EDA: variants seen among roughly 807,000 people sequenced by gnomAD.
The protein encoded by EDA is ectodysplasin-A.
A neutral mutation model predicts 23.6 loss-of-function variants in EDA; 2 were observed. The ratio of observed to expected loss-of-function variants is 0.08; its 90% CI spans 0.03 to 0.27. The LOEUF is 0.27. Ranked by LOEUF, EDA falls within the 10% of genes least tolerant of loss-of-function variation. EDA has a pLI of 1.00. For synonymous variants in EDA, 131 were observed against 132.0 expected, an observed-to-expected ratio of 0.99 and a Z score of 0.05; for missense variants, 229 against 324.2, an observed-to-expected ratio of 0.71 and a Z score of 2.26.
chrX:69,982,015 G>A (rs759915195), intron 2 of EDA, among the ~76,000 whole-genome samples: 5 of 111,250 alleles, frequency 4.5e-5, no homozygotes, highest in Non-Finnish European at 9.4e-5. Context: ...AGGGGAAGGG[G>A]GCGTTTAAGG....
chrX:69,772,283 G>T (rs1302403265), intron 1 of EDA, among the ~76,000 whole-genome samples: 1 of 111,363 alleles, frequency 9.0e-6, no homozygotes, highest in Non-Finnish European at 1.9e-5. Context: ...TTATGTGTCA[G>T]TTAATATTAT....
chrX:69,620,127 T>C (rs1218266144), intron 1 of EDA, among the ~76,000 whole-genome samples: 1 of 112,239 alleles, frequency 8.9e-6, no homozygotes, highest in African/African-American at 3.2e-5. Flanking sequence ...ATGATTAATA[T>C]ATTGGTGTAA....
chrX:69,747,223 A>G (rs1484719239), intron 1 of EDA, among the ~76,000 whole-genome samples: 1 of 112,433 alleles, frequency 8.9e-6, no homozygotes, highest in African/African-American at 3.2e-5. Context: ...TAGGATGGTT[A>G]GAACTCTTCT....
intron 1 of EDA, among the ~76,000 whole-genome samples, chrX:69,815,348 G>A (rs756061515): frequency 1.6e-4 from 17 of 107,336 alleles, no homozygotes; most frequent in Non-Finnish European, 3.1e-4. Flanking sequence ...CGCTGGGTGG[G>A]ACATCCCTGC....
At position 70,028,045 on chromosome X, in the gene EDA, C is replaced by A; in HGVS notation, c.706+9C>A. 1 of 1,119,092 alleles carries A rather than the reference C, an allele frequency of 8.9e-7. No homozygotes were observed. Among genetic ancestry groups the A allele is most frequent in the Non-Finnish European group, 1.2e-6 (1 of 834,308 alleles). The allele number at this position is 1,119,092 out of a possible 1,213,427, so 92.2% of individuals were successfully genotyped here. On this transcript the variant is annotated intron_variant, in intron 4 of 7. Transcript: ENST00000374552. ...CCTCCAGGGACCTTCTGGTGAGTTC[C>A]CCTGTCTCTCCACCCCACCAGGTGC...
chrX:69,993,952 T>G (rs140153367), intron 2 of EDA, among the ~76,000 whole-genome samples: 101 of 112,279 alleles, frequency 9.0e-4, no homozygotes, highest in African/African-American at 3.1e-3. Context: ...AATCACTTAT[T>G]CTTGTTAACA....
At chrX:69,798,167 C>T (rs773107818) in intron 1 of EDA, among the ~76,000 whole-genome samples, 70 of 110,916 alleles carry the variant, frequency 6.3e-4, no homozygotes, top group Non-Finnish European at 1.2e-3. Flanking sequence ...ATTCAAAGAG[C>T]AAATATTACT....
At chrX:69,856,256 T>TGGGG (rs1229571868) in intron 1 of EDA, among the ~76,000 whole-genome samples, 6 of 78,628 alleles carry the variant, frequency 7.6e-5, no homozygotes, top group Admixed American at 1.4e-4. Context: ...TATTCCATGG[T>TGGGG]GTGTGTGTGT....
At chrX:69,879,925 CTTGG>C (rs1388645943) in intron 1 of EDA, among the ~76,000 whole-genome samples, 2 of 112,288 alleles carry the variant, frequency 1.8e-5, no homozygotes, top group Admixed American at 1.9e-4. Flanking sequence ...TTCTTACTTT[CTTGG>C]CAAGCAAATT....
At chrX:69,625,477 C>T (rs1932348869) in intron 1 of EDA, among the ~76,000 whole-genome samples, 1 of 110,560 alleles carries the variant, frequency 9.0e-6, no homozygotes, top group African/African-American at 3.3e-5. Flanking sequence ...TGAGGACAGG[C>T]ATATATATCA....
chrX:69,626,110 G>T lies in EDA; in HGVS notation c.396+9406G>T, dbSNP rs752864334. 8.1e-5 allele frequency among the ~76,000 whole-genome samples: 9 copies of T among 111,346 alleles called. No individual in the cohort carries two copies. In the South Asian group the frequency reaches 3.0e-3, roughly 37 times the overall value. On this transcript the variant is annotated intron_variant, in intron 1 of 7. Coordinates refer to ENST00000374552, the MANE Select transcript of EDA (RefSeq NM_001399.5). ...TACAGAAATTTAAATTAAAACCACA[G>T]TGAGATACCATTTCACACCCACTAG...
rs746854251 is a variant in EDA, at chrX:70,015,216, AC to A, written c.503-8000del. On this transcript the variant is annotated intron_variant, in intron 2 of 7. Coordinates refer to ENST00000374552, the MANE Select transcript of EDA (RefSeq NM_001399.5). ...GGTAACCCCATCAGGCTAACAGTGG[AC>A]CTTTCAGCAGAAACCCTACAAGCCA... Among the ~76,000 whole-genome samples the A allele has an allele frequency of 8.9e-5, 10 of 111,985 alleles. No individual in the cohort carries two copies. The East Asian group carries it at 2.8e-3, about 31-fold the overall frequency.
At chrX:69,912,098 G>A (rs1202968) in intron 1 of EDA, among the ~76,000 whole-genome samples, 59,944 of 110,861 alleles carry the variant, frequency 0.54, 12,770 homozygotes, top group Middle Eastern at 0.73. Flanking sequence ...CTCAAGAAAC[G>A]ACTTCCTTTG....
intron 1 of EDA, among the ~76,000 whole-genome samples, chrX:69,626,909 A>G (rs1932404793): frequency 9.0e-6 from 1 of 111,398 alleles, no homozygotes; most frequent in African/African-American, 3.3e-5. Context: ...TGGTGAATAA[A>G]TGTGTAAGGG....
intron 1 of EDA, chrX:69,617,586 A>G (rs1932025423): frequency 4.1e-6 from 1 of 244,109 alleles, no homozygotes; most frequent in Admixed American, 5.8e-5. Flanking sequence ...TTTGTTTTCT[A>G]TTCTATTCTT....
At chrX:69,645,315 G>A (rs1029611618) in intron 1 of EDA, among the ~76,000 whole-genome samples, 1 of 108,417 alleles carries the variant, frequency 9.2e-6, no homozygotes, top group African/African-American at 3.4e-5. Context: ...TTTCTTCCTG[G>A]TTCAGTCTTG....
At chrX:69,637,957 C>T (rs1932797138) in intron 1 of EDA, among the ~76,000 whole-genome samples, 1 of 110,757 alleles carries the variant, frequency 9.0e-6, no homozygotes, top group African/African-American at 3.3e-5. Flanking sequence ...AAAAAGGTTG[C>T]CAATAGTGTA....
At chrX:69,803,129 A>AT (rs985659805) in intron 1 of EDA, among the ~76,000 whole-genome samples, 44 of 111,186 alleles carry the variant, frequency 4.0e-4, no homozygotes, top group Non-Finnish European at 7.2e-4. Flanking sequence ...AGATACTAAG[A>AT]TTTTTTAGAT....
At chrX:69,722,205 TTTTA>T (rs1489737234) in intron 1 of EDA, among the ~76,000 whole-genome samples, 2 of 110,966 alleles carry the variant, frequency 1.8e-5, no homozygotes, top group African/African-American at 3.3e-5. Flanking sequence ...TCTTTTTTAT[TTTTA>T]TTTATTTATT....
Sources: allele counts gnomAD v4.1 joint callset (sites outside exome capture counted in the v4.1 genomes callset), GRCh38; gene constraint gnomAD v4.1.1; transcripts MANE v1.5; gene names NCBI Gene and HGNC (gene_info 2026-07-23, HGNC 2026-07-21).